MAGI3: variants seen among roughly 807,000 people sequenced by gnomAD.
MAGI3 encodes membrane associated guanylate kinase, WW and PDZ domain containing 3.
In MAGI3, 43 loss-of-function variants were observed where a neutral mutation model predicts 121.8. The observed-to-expected ratio is 0.35, with a 90% CI of 0.28 to 0.46. MAGI3 has a LOEUF of 0.46. Among genes scored for constraint, MAGI3 ranks in the 20% least tolerant of loss-of-function variants. The pLI is 1.00. For synonymous variants in MAGI3, 553 were observed against 639.3 expected, an observed-to-expected ratio of 0.86 and a Z score of 2.04; for missense variants, 1,547 against 1,797.3, an observed-to-expected ratio of 0.86 and a Z score of 2.52.
intron 1 of MAGI3, among the ~76,000 whole-genome samples, chr1:113,510,326 T>G (rs1657550971): frequency 6.6e-6 from 1 of 150,998 alleles, no homozygotes; most frequent in Non-Finnish European, 1.5e-5. Context: ...TAAACAGAAG[T>G]GTAAAATACA....
At chr1:113,393,581 A>G (rs1438355482) in intron 1 of MAGI3, among the ~76,000 whole-genome samples, 3 of 152,192 alleles carry the variant, frequency 2.0e-5, no homozygotes, top group Non-Finnish European at 4.4e-5. Flanking sequence ...TAAAAGCAAC[A>G]TTTGTTATAA....
chr1:113,478,203 T>C (rs1557778339), intron 1 of MAGI3, among the ~76,000 whole-genome samples: 1 of 152,082 alleles, frequency 6.6e-6, no homozygotes, highest in East Asian at 1.9e-4. Flanking sequence ...AAGTTTGTTA[T>C]TACCGACCTT....
chr1:113,594,640 C>A, intron 6 of MAGI3, 80 bp downstream of exon 6: 2 of 1,225,106 alleles, frequency 1.6e-6, no homozygotes, highest in Non-Finnish European at 2.3e-6. Context: ...ATGGGTTTTT[C>A]AAAACCCTAA....
Position 113,671,764 on chromosome 1 carries a change from CA to C in MAGI3, c.2847del (p.Ala950ProfsTer27). On this transcript the variant is annotated frameshift_variant, in exon 17 of 21. Transcript: ENST00000307546. LOFTEE classifies it high-confidence loss of function. ...EHHGPPSGTN[S>X]ARQSPALQHR... ...CATGGTCCACCATCAGGAACAAACT[CA>C]GCCAGGCAAAGCCCAGCCCTGCAGC... The C allele has an allele frequency of 6.2e-7, 1 of 1,614,244 alleles. No homozygotes were observed. The highest frequency in any genetic ancestry group is 8.5e-7 in the Non-Finnish European group (1 of 1,180,042).
intron 1 of MAGI3, among the ~76,000 whole-genome samples, chr1:113,516,968 A>G (rs929543145): frequency 6.6e-6 from 1 of 152,016 alleles, no homozygotes. Flanking sequence ...CAATTGAAGG[A>G]TATTCTACAG....
intron 3 of MAGI3, among the ~76,000 whole-genome samples, chr1:113,582,699 T>C (rs1157778651): frequency 1.3e-5 from 2 of 151,922 alleles, no homozygotes; most frequent in Non-Finnish European, 2.9e-5. Flanking sequence ...ACATATCAAC[T>C]TCAGGACAGC....
intron 1 of MAGI3, among the ~76,000 whole-genome samples, chr1:113,469,279 C>T (rs74962387): frequency 0.025 from 3,786 of 152,200 alleles, 178 homozygotes; most frequent in African/African-American, 0.087. Flanking sequence ...GGCAGTCTGG[C>T]TGTGTAGTTT....
intron 1 of MAGI3, among the ~76,000 whole-genome samples, chr1:113,544,845 A>G (rs953600373): frequency 1.3e-5 from 2 of 152,228 alleles, no homozygotes; most frequent in African/African-American, 4.8e-5. Flanking sequence ...TAATCTTGCA[A>G]TAGCAGAAAT....
intron 6 of MAGI3, among the ~76,000 whole-genome samples, chr1:113,605,590 G>C (rs1217783334): frequency 6.6e-6 from 1 of 152,084 alleles, no homozygotes; most frequent in African/African-American, 2.4e-5. Context: ...TTTTATAATT[G>C]AACAAGCACT....
chr1:113,521,500 G>A (rs1254278859), intron 1 of MAGI3, among the ~76,000 whole-genome samples: 1 of 151,206 alleles, frequency 6.6e-6, no homozygotes, highest in Non-Finnish European at 1.5e-5. Context: ...CTGCCTTCCG[G>A]GTTCATGCCA....
chr1:113,429,332 A>G (rs977761752), intron 1 of MAGI3, among the ~76,000 whole-genome samples: 1 of 152,256 alleles, frequency 6.6e-6, no homozygotes, highest in African/African-American at 2.4e-5. Context: ...AAAGAATTGG[A>G]CAAAATGCAC....
chr1:113,488,327 T>C (rs981555398), intron 1 of MAGI3, among the ~76,000 whole-genome samples: 1 of 152,206 alleles, frequency 6.6e-6, no homozygotes, highest in Non-Finnish European at 1.5e-5. Context: ...CTTGCTCCTA[T>C]AGGAGTCTTT....
chr1:113,395,302 C>T (rs1651052861), intron 1 of MAGI3, among the ~76,000 whole-genome samples: 1 of 151,428 alleles, frequency 6.6e-6, no homozygotes, highest in Non-Finnish European at 1.5e-5. Context: ...GAAAAAGAAG[C>T]AAGCCAAGCC....
chr1:113,592,489 T>C (rs1648746346), intron 5 of MAGI3, among the ~76,000 whole-genome samples: 4 of 152,144 alleles, frequency 2.6e-5, no homozygotes, highest in Admixed American at 1.3e-4. Context: ...CAGTTTTTAG[T>C]TGGGTTTAGC....
At chr1:113,411,469 A>G (rs575387949) in intron 1 of MAGI3, among the ~76,000 whole-genome samples, 17 of 152,084 alleles carry the variant, frequency 1.1e-4, no homozygotes, top group Non-Finnish European at 2.1e-4. Context: ...TAAGGTGAAT[A>G]TAGGTAGATT....
intron 1 of MAGI3, among the ~76,000 whole-genome samples, chr1:113,409,777 G>C (rs920904522): frequency 6.6e-6 from 1 of 151,932 alleles, no homozygotes; most frequent in African/African-American, 2.4e-5. Context: ...TTTTTCCATT[G>C]TGTAATAGGT....
chr1:113,518,547 A>G (rs1229458477), intron 1 of MAGI3, among the ~76,000 whole-genome samples: 1 of 151,986 alleles, frequency 6.6e-6, no homozygotes, highest in Non-Finnish European at 1.5e-5. Flanking sequence ...AGATATTGAA[A>G]CCTTTCAACT....
chr1:113,527,984 G>A (rs548366031), intron 1 of MAGI3, among the ~76,000 whole-genome samples: 3 of 152,160 alleles, frequency 2.0e-5, no homozygotes, highest in Admixed American at 6.5e-5. Flanking sequence ...GTGTGTATGC[G>A]TACATGTCTG....
At chr1:113,516,316 C>G (rs1657894402) in intron 1 of MAGI3, among the ~76,000 whole-genome samples, 1 of 135,828 alleles carries the variant, frequency 7.4e-6, no homozygotes, top group Admixed American at 8.4e-5. Context: ...ATGGCAGATT[C>G]TAGGACTGGG....
Sources: allele counts gnomAD v4.1 joint callset (sites outside exome capture counted in the v4.1 genomes callset), GRCh38; gene constraint gnomAD v4.1.1; transcripts MANE v1.5; gene names NCBI Gene and HGNC (gene_info 2026-07-23, HGNC 2026-07-21).